GRIN1: variants seen among roughly 807,000 people sequenced by gnomAD.
GRIN1 encodes the protein glutamate receptor ionotropic, NMDA 1.
A neutral mutation model predicts 103.0 loss-of-function variants in GRIN1; 38 were observed. That is an observed-to-expected ratio of 0.37 (90% CI 0.28 to 0.48). The LOEUF is 0.48. Among genes scored for constraint, GRIN1 ranks in the 20% least tolerant of loss-of-function variants. The pLI, the probability that GRIN1 is intolerant of heterozygous loss-of-function variation, is 0.98. For missense variants in GRIN1, 577 were observed against 1,288.9 expected (o/e 0.45, Z 8.46); for synonymous variants, 544 against 532.7 (o/e 1.02, Z -0.29).
chr9:137,154,018 G>T (rs1833068198), intron 4 of GRIN1, among the ~76,000 whole-genome samples: 1 of 151,642 alleles, frequency 6.6e-6, no homozygotes, highest in Admixed American at 6.6e-5. Context: ...CACCATGTTG[G>T]CCAGGCTGGT....
In GRIN1 at chr9:137,162,388, C is replaced by T. The variant is rs772811288; in HGVS notation, c.1752-16C>T. Reference sequence around the variant, plus strand: ...CTCTCCCGCCCTCTCTCCCGCCCGCCCTCTGCGCCCCGCAGCCCCTTCGGC... The same window carrying T: ...CTCTCCCGCCCTCTCTCCCGCCCGCTCTCTGCGCCCCGCAGCCCCTTCGGC... On this transcript the variant is annotated splice_polypyrimidine_tract_variant and intron_variant, in intron 12 of 19. Transcript: ENST00000371561. 3.1e-6 allele frequency: 5 copies of T among 1,592,584 alleles called. No homozygotes were observed. The African/African-American group carries it at 4.0e-5, about 13-fold the overall frequency.
intron 4 of GRIN1, among the ~76,000 whole-genome samples, chr9:137,154,054 C>T (rs1043590659): frequency 3.3e-5 from 5 of 151,382 alleles, no homozygotes; most frequent in Non-Finnish European, 5.9e-5. Context: ...TCAGGTGATC[C>T]GCCTGCCTCA....
chr9:137,152,165 C>G (rs908005236), intron 4 of GRIN1, among the ~76,000 whole-genome samples: 2 of 152,174 alleles, frequency 1.3e-5, no homozygotes, highest in Non-Finnish European at 2.9e-5. Flanking sequence ...CTCGGCCTCC[C>G]AAAGTGCTGG....
At chr9:137,156,627 G>T in intron 4 of GRIN1, 42 bp from the exon 5 acceptor site, 1 of 1,589,442 alleles carries the variant, frequency 6.3e-7, no homozygotes, top group South Asian at 1.1e-5. Flanking sequence ...GCCGCGGTGG[G>T]AGTGCTGGAG....
rs1313125389 is a variant in GRIN1, at chr9:137,167,662, G to C, written c.*135G>C. ...GAGCACCCCCAGCCTCCCCCAGGCT[G>C]CGCCTGCCCGCCCGCCGGTTGGCCG... On this transcript the variant is annotated 3_prime_UTR_variant, in exon 20 of 20. Transcript: ENST00000371561. 3 of 1,521,944 alleles carry C rather than the reference G, an allele frequency of 2.0e-6. No individual in the cohort carries two copies. The Admixed American group carries it at 6.5e-5, about 33-fold the overall frequency. The allele number at this position is 1,521,944 out of a possible 1,614,324, so 94.3% of individuals were successfully genotyped here.
intron 4 of GRIN1, among the ~76,000 whole-genome samples, chr9:137,150,818 G>GAAA (rs1437891815): frequency 7.9e-6 from 1 of 126,698 alleles, no homozygotes; most frequent in Admixed American, 8.2e-5. Context: ...GCCCCGCCCA[G>GAAA]AAAAGACCCG....
At chr9:137,156,545 G>T (rs900070539) in intron 4 of GRIN1, 124 bp from the exon 5 acceptor site, 1 of 1,391,260 alleles carries the variant, frequency 7.2e-7, no homozygotes, top group South Asian at 1.3e-5. Flanking sequence ...AGGTCTGCAG[G>T]CTTCGCTCTA....
chr9:137,142,227 C>G, intron 2 of GRIN1, 80 bp downstream of exon 2: 1 of 1,451,080 alleles, frequency 6.9e-7, no homozygotes, highest in Non-Finnish European at 9.6e-7. Context: ...AGCGGGCCGA[C>G]CCGCTCACAT....
intron 19 of GRIN1, 82 bp from the exon 20 acceptor site, chr9:137,167,329 A>G (rs1833935030): frequency 2.8e-6 from 3 of 1,089,614 alleles, no homozygotes; most frequent in Non-Finnish European, 2.7e-6. Context: ...GGTCCGGGCC[A>G]GGGCGGCACT....
intron 4 of GRIN1, among the ~76,000 whole-genome samples, chr9:137,150,085 G>A (rs919441779): frequency 1.3e-5 from 2 of 152,122 alleles, no homozygotes; most frequent in African/African-American, 4.8e-5. Context: ...GCTGCCCACG[G>A]GGCCTTACAT....
chr9:137,168,404 G>GTTTTTTAATGATAC lies in GRIN1; in HGVS notation c.*877_*878insTTTTTTAATGATAC. 1.0e-5 allele frequency: 2 copies of GTTTTTTAATGATAC among 194,762 alleles called. No homozygotes were observed. The highest frequency in any genetic ancestry group is 2.1e-5 in the Non-Finnish European group (2 of 97,408). 12.1% of individuals were successfully genotyped at this position (194,762 alleles called of 1,614,324 possible). On this transcript the variant is annotated 3_prime_UTR_variant, in exon 20 of 20. Coordinates refer to ENST00000371561, the MANE Select transcript of GRIN1 (RefSeq NM_007327.4). ...AGCTGGCAGCGCCTCCCGCCGCCTCGGGCCGCCTCCTCCAGACTCGAGAGG... is the reference window on the plus strand; with the variant it reads ...AGCTGGCAGCGCCTCCCGCCGCCTCGTTTTTTAATGATACGGCCGCCTCCTCCAGACTCGAGAGG...
rs200225692 is a variant in GRIN1, at chr9:137,161,189, C to G, written c.1331C>G (p.Pro444Arg). Residue 444 changes from proline to arginine, a missense_variant, in exon 9 of 20, where the codon CCG becomes CGG. Around this residue, in one of 9 missense-constraint regions of GRIN1, gnomAD observed 96 missense variants for 145.0 expected, o/e 0.66. Transcript: ENST00000371561. ...TGCACCGGGCCCAACGACACGTCGC[C>G]GGGCAGCCGTGAGTGCGCGGGGCAG... Reference protein sequence around the residue: ...VICTGPNDTSPGSPRHTVPQC... With the variant: ...VICTGPNDTSRGSPRHTVPQC... 6.2e-7 allele frequency: 1 copy of G among 1,608,688 alleles called. No individual in the cohort carries two copies. Among genetic ancestry groups the G allele is most frequent in the South Asian group, 1.1e-5 (1 of 90,888 alleles).
chr9:137,160,218 G>T (rs1255243095), intron 8 of GRIN1, among the ~76,000 whole-genome samples: 1 of 152,234 alleles, frequency 6.6e-6, no homozygotes. Flanking sequence ...GGGACTGGGG[G>T]CCGGGACAGG....
intron 4 of GRIN1, among the ~76,000 whole-genome samples, chr9:137,150,616 C>CT (rs1832800314): frequency 2.8e-5 from 4 of 143,884 alleles, no homozygotes; most frequent in South Asian, 2.2e-4. Flanking sequence ...GATAAAAGCC[C>CT]GCCCAGGGAA....
chr9:137,167,667 T>G lies in GRIN1; in HGVS notation c.*140T>G. 1 of 1,530,174 alleles carries G rather than the reference T, an allele frequency of 6.5e-7. No individual in the cohort carries two copies. The highest frequency in any genetic ancestry group is 8.8e-7 in the Non-Finnish European group (1 of 1,139,474). The allele number at this position is 1,530,174 out of a possible 1,614,324, so 94.8% of individuals were successfully genotyped here. On this transcript the variant is annotated 3_prime_UTR_variant, in exon 20 of 20. Transcript: ENST00000371561. ...CCCCCAGCCTCCCCCAGGCTGCGCC[T>G]GCCCGCCCGCCGGTTGGCCGGCTGG...
intron 5 of GRIN1, 25 bp downstream of exon 5, chr9:137,156,815 C>G: frequency 6.2e-7 from 1 of 1,601,420 alleles, no homozygotes; most frequent in Admixed American, 1.7e-5. Context: ...TTGGCGGGGT[C>G]CCCGAACGGG....
chr9:137,158,260 A>AGAAGGAGCAGGGAGAAGGAGCAGGGG lies in GRIN1; in HGVS notation c.969-101_969-76dup, dbSNP rs1339163613. On this transcript the variant is annotated intron_variant, in intron 6 of 19. Transcript: ENST00000371561. ...AAGCCCAAGCTGCTCAGCCGGCAGG[A>AGAAGGAGCAGGGAGAAGGAGCAGGGG]GAAGGAGCAGGGAGAAGGAGCAGGG... The AGAAGGAGCAGGGAGAAGGAGCAGGGG allele has an allele frequency of 2.6e-6, 3 of 1,136,118 alleles. No homozygotes were observed. The African/African-American group carries it at 4.6e-5, about 17-fold the overall frequency. The allele number at this position is 1,136,118 out of a possible 1,614,324, so 70.4% of individuals were successfully genotyped here. A position where few individuals can be genotyped will look rare whatever the true frequency, so the allele number is the denominator to read the frequency against.
chr9:137,149,900 G>A (rs1045133954), intron 4 of GRIN1, among the ~76,000 whole-genome samples: 6 of 152,146 alleles, frequency 3.9e-5, no homozygotes, highest in Non-Finnish European at 7.3e-5. Flanking sequence ...GGAAAGAGCC[G>A]GCGACACTCT....
At chr9:137,149,145 G>A in intron 4 of GRIN1, 36 bp downstream of exon 4, 2 of 1,371,120 alleles carry the variant, frequency 1.5e-6, no homozygotes, top group Non-Finnish European at 1.0e-6. Flanking sequence ...CTCCACACAG[G>A]ATGGTACCTG....
Sources: allele counts gnomAD v4.1 joint callset (sites outside exome capture counted in the v4.1 genomes callset), GRCh38; gene constraint gnomAD v4.1.1; regional missense constraint gnomAD v4.1.1; transcripts MANE v1.5; gene names NCBI Gene and HGNC (gene_info 2026-07-23, HGNC 2026-07-21).